CPNE5: variants seen among roughly 807,000 people sequenced by gnomAD.
CPNE5 encodes the protein copine 5.
In CPNE5, 42 loss-of-function variants were observed where a neutral mutation model predicts 81.1. The observed-to-expected ratio is 0.52, with a 90% CI of 0.40 to 0.67. The LOEUF is 0.67. CPNE5 is among the 30% of genes least tolerant of loss of function. CPNE5 has a pLI of 0.00. For synonymous variants in CPNE5, 313 were observed against 321.5 expected (o/e 0.97, Z 0.28); for missense variants, 612 against 815.5 (o/e 0.75, Z 3.04).
chr6:36,745,842 G>A (rs1436150153), intron 16 of CPNE5, among the ~76,000 whole-genome samples: 1 of 152,178 alleles, frequency 6.6e-6, no homozygotes, highest in Non-Finnish European at 1.5e-5. Flanking sequence ...ACTCAGGAAG[G>A]ACCTGTGGCT....
At chr6:36,796,501 G>C (rs1004704048) in intron 6 of CPNE5, among the ~76,000 whole-genome samples, 1 of 152,212 alleles carries the variant, frequency 6.6e-6, no homozygotes, top group Non-Finnish European at 1.5e-5. Context: ...AGCCACGGGT[G>C]GGGGTGCTGC....
Position 36,818,741 on chromosome 6 carries a change from A to C in CPNE5, c.183+3373T>G, listed in dbSNP as rs1360804613. ...CACAGGTGTATTCCACACCAAGGCCACCTGTCTTCCCTCTACTCCACCCTG... is the reference window on the plus strand; with the variant it reads ...CACAGGTGTATTCCACACCAAGGCCCCCTGTCTTCCCTCTACTCCACCCTG... On this transcript the variant is annotated intron_variant, in intron 3 of 20. Transcript: ENST00000244751. Among the ~76,000 whole-genome samples the C allele has an allele frequency of 2.6e-5, 4 of 152,182 alleles. No individual in the cohort carries two copies. The South Asian group carries it at 6.2e-4, about 24-fold the overall frequency.
At chr6:36,814,785 C>T (rs982793160) in intron 3 of CPNE5, among the ~76,000 whole-genome samples, 3 of 152,166 alleles carry the variant, frequency 2.0e-5, no homozygotes, top group Admixed American at 2.0e-4. Context: ...GTTTCCTCCT[C>T]TGTCAAATGG....
intron 8 of CPNE5, among the ~76,000 whole-genome samples, chr6:36,791,214 G>A (rs947796783): frequency 3.9e-5 from 6 of 152,106 alleles, no homozygotes; most frequent in East Asian, 1.9e-4. Context: ...GGCTGAGCCC[G>A]GATCTTAGAA....
At chr6:36,810,044 G>A (rs987738796) in intron 3 of CPNE5, among the ~76,000 whole-genome samples, 1 of 152,022 alleles carries the variant, frequency 6.6e-6, no homozygotes, top group Non-Finnish European at 1.5e-5. Context: ...CCCTCCCAGA[G>A]GCAACCCATG....
rs531447428 is a variant in CPNE5 at position 36,802,562 on chromosome 6, G to A, written c.184-2492C>T. On this transcript the variant is annotated intron_variant, in intron 3 of 20. Coordinates refer to ENST00000244751, the MANE Select transcript of CPNE5 (RefSeq NM_020939.2). Reference sequence around the variant, plus strand: ...AGTCTCAAAGTAGTAAGACAGGCAGGTGCAAAGCAAAATATTTTAAATGGG... The same window carrying A: ...AGTCTCAAAGTAGTAAGACAGGCAGATGCAAAGCAAAATATTTTAAATGGG... Among the ~76,000 whole-genome samples, 6 of 152,106 alleles carry A rather than the reference G, an allele frequency of 3.9e-5. No individual in the cohort carries two copies. In the South Asian group the frequency reaches 1.3e-3, roughly 32 times the overall value.
At chr6:36,777,089 C>T (rs1767575652) in intron 9 of CPNE5, among the ~76,000 whole-genome samples, 1 of 152,214 alleles carries the variant, frequency 6.6e-6, no homozygotes, top group Admixed American at 6.5e-5. Flanking sequence ...CCCAAATAAA[C>T]TCCCATGACC....
At position 36,794,797 on chromosome 6, in the gene CPNE5, T is replaced by C. The variant is rs563788882; in HGVS notation, c.405-148A>G. ...GATCAAAGCCACAGGCCAGAGCAAG[T>C]GGAGTCCTTCTTCTGGGCAAATTCC... On this transcript the variant is annotated intron_variant, in intron 6 of 20. Coordinates refer to ENST00000244751, the MANE Select transcript of CPNE5 (RefSeq NM_020939.2). 8 of 703,978 alleles carry C rather than the reference T, an allele frequency of 1.1e-5. No homozygotes were observed. In the East Asian group the frequency reaches 2.2e-4, roughly 19 times the overall value. 43.6% of individuals were successfully genotyped at this position (703,978 alleles called of 1,614,324 possible).
chr6:36,826,599 C>T (rs1489576178), intron 1 of CPNE5, among the ~76,000 whole-genome samples: 1 of 152,222 alleles, frequency 6.6e-6, no homozygotes, highest in East Asian at 1.9e-4. Flanking sequence ...CTGTCTCTCA[C>T]ACTGGCTGTG....
intron 3 of CPNE5, among the ~76,000 whole-genome samples, chr6:36,803,936 A>G (rs1561803258): frequency 6.6e-6 from 1 of 152,214 alleles, no homozygotes; most frequent in Non-Finnish European, 1.5e-5. Flanking sequence ...GGTGGAGTTG[A>G]GAACCACTAA....
intron 3 of CPNE5, among the ~76,000 whole-genome samples, chr6:36,819,127 G>A (rs963378108): frequency 6.6e-6 from 1 of 152,182 alleles, no homozygotes. Context: ...TTCTGAGACA[G>A]GGTCTCGCTC....
At chr6:36,778,204 T>C (rs1290016766) in intron 9 of CPNE5, among the ~76,000 whole-genome samples, 1 of 152,226 alleles carries the variant, frequency 6.6e-6, no homozygotes, top group East Asian at 1.9e-4. Flanking sequence ...TCCCCAGACC[T>C]TCCACCCAGA....
rs1773619700 is a variant in CPNE5, at chr6:36,837,484, C to T, written c.95+1799G>A. 2.0e-5 allele frequency among the ~76,000 whole-genome samples: 3 copies of T among 152,200 alleles called. No individual in the cohort carries two copies. The South Asian group carries it at 6.2e-4, about 32-fold the overall frequency. ...CTGACTCAGGGTGGGAATCCCTGCC[C>T]TCAAATGCTTACACAGTTGCTTTGA... is the stretch of plus-strand genomic sequence containing the variant. On this transcript the variant is annotated intron_variant, in intron 1 of 20. Transcript: ENST00000244751.
chr6:36,765,811 G>A (rs1766514136), intron 10 of CPNE5, among the ~76,000 whole-genome samples: 1 of 151,734 alleles, frequency 6.6e-6, no homozygotes, highest in South Asian at 2.1e-4. Flanking sequence ...TTGAGGGTCT[G>A]AGGGCTTTGG....
intron 3 of CPNE5, among the ~76,000 whole-genome samples, chr6:36,816,197 T>A (rs1210233908): frequency 6.6e-6 from 1 of 152,162 alleles, no homozygotes; most frequent in African/African-American, 2.4e-5. Flanking sequence ...AACCCAGGGT[T>A]TTGGACATCA....
chr6:36,744,120 AC>A, intron 19 of CPNE5, 147 bp downstream of exon 19: 1 of 728,952 alleles, frequency 1.4e-6, no homozygotes. Flanking sequence ...CTGCACACTC[AC>A]CCAGACACAC....
intron 10 of CPNE5, among the ~76,000 whole-genome samples, chr6:36,768,883 C>G (rs541118569): frequency 4.9e-4 from 75 of 152,300 alleles, no homozygotes; most frequent in African/African-American, 1.8e-3. Flanking sequence ...GTCTGTTGCC[C>G]CGAGCAACTG....
chr6:36,783,171 C>T (rs1227604412), intron 8 of CPNE5, among the ~76,000 whole-genome samples: 1 of 152,006 alleles, frequency 6.6e-6, no homozygotes, highest in Non-Finnish European at 1.5e-5. Flanking sequence ...TAATATGGTT[C>T]TACCCACACA....
intron 8 of CPNE5, among the ~76,000 whole-genome samples, chr6:36,783,083 A>G (rs558915492): frequency 6.6e-6 from 1 of 152,314 alleles, no homozygotes; most frequent in East Asian, 1.9e-4. Flanking sequence ...TAACACTTGC[A>G]GAGTGCCACC....
Sources: allele counts gnomAD v4.1 joint callset (sites outside exome capture counted in the v4.1 genomes callset), GRCh38; gene constraint gnomAD v4.1.1; transcripts MANE v1.5; gene names NCBI Gene and HGNC (gene_info 2026-07-23, HGNC 2026-07-21).